ANK2: variants seen among roughly 807,000 people sequenced by gnomAD.
The protein encoded by ANK2 is ankyrin 2.
Under a neutral mutation model 360.5 loss-of-function variants are expected in ANK2, and 83 were observed. The ratio of observed to expected loss-of-function variants is 0.23; its 90% confidence interval spans 0.19 to 0.28. The LOEUF is 0.28. Ranked by LOEUF, ANK2 falls within the 10% of genes least tolerant of loss-of-function variation. The pLI, the probability that ANK2 is intolerant of heterozygous loss-of-function variation, is 1.00. For synonymous variants in ANK2, 1,740 were observed against 1,759.5 expected, an observed-to-expected ratio of 0.99 and a Z score of 0.28; for missense variants, 4,201 against 4,795.7, an observed-to-expected ratio of 0.88 and a Z score of 3.66.
chr4:113,176,381 A>G (rs1273224014), intron 2 of ANK2, among the ~76,000 whole-genome samples: 1 of 152,164 alleles, frequency 6.6e-6, no homozygotes, highest in Non-Finnish European at 1.5e-5. Context: ...AATAAACCCA[A>G]ATTACTGTAT....
intron 2 of ANK2, among the ~76,000 whole-genome samples, chr4:113,028,316 G>A (rs909266042): frequency 6.6e-6 from 1 of 152,038 alleles, no homozygotes. Flanking sequence ...CTGAACAGAG[G>A]GGAAAACAGG....
chr4:112,713,301 G>A, the ANK2 span, among the ~76,000 whole-genome samples: 2 of 152,060 alleles, frequency 1.3e-5, no homozygotes, highest in East Asian at 3.9e-4. Flanking sequence ...GGGCAGTGAT[G>A]AATGAAGTTG....
chr4:113,201,550 A>G (rs1201756116), intron 4 of ANK2, among the ~76,000 whole-genome samples: 2 of 152,208 alleles, frequency 1.3e-5, no homozygotes, highest in South Asian at 2.1e-4. Context: ...AGCCTGGTTA[A>G]ATTCAATTGT....
the ANK2 span, among the ~76,000 whole-genome samples, chr4:112,790,543 A>G: frequency 7.2e-6 from 1 of 138,564 alleles, no homozygotes; most frequent in Non-Finnish European, 1.5e-5. Flanking sequence ...GCTGGGGTGC[A>G]GTGGTGTGAT....
chr4:113,231,037 T>C (rs994311694), intron 4 of ANK2, among the ~76,000 whole-genome samples: 9 of 151,838 alleles, frequency 5.9e-5, no homozygotes, highest in African/African-American at 2.2e-4. Context: ...TATAGACTTT[T>C]ACATTTTCTT....
intron 2 of ANK2, among the ~76,000 whole-genome samples, chr4:112,921,386 T>G (rs866788637): frequency 1.3e-5 from 2 of 151,772 alleles, no homozygotes; most frequent in Middle Eastern, 3.4e-3. Context: ...TAAGTTTTTT[T>G]TTTTTTTTTT....
chr4:113,270,695 A>T (rs1381705448), intron 14 of ANK2, among the ~76,000 whole-genome samples: 1 of 152,084 alleles, frequency 6.6e-6, no homozygotes, highest in Non-Finnish European at 1.5e-5. Context: ...AGTGCTCCCT[A>T]AAGGTCAATA....
chr4:113,359,399 C>T, intron 38 of ANK2, 100 bp downstream of exon 38: 1 of 1,502,898 alleles, frequency 6.7e-7, no homozygotes, highest in Non-Finnish European at 9.0e-7. Flanking sequence ...GTCTCATTTT[C>T]TTTAAGCTTT....
intron 1 of ANK2, among the ~76,000 whole-genome samples, chr4:113,120,722 T>C (rs2095296173): frequency 6.6e-6 from 1 of 152,152 alleles, no homozygotes; most frequent in African/African-American, 2.4e-5. Flanking sequence ...TTAAGCCTGG[T>C]ACCAATTGGT....
At chr4:112,711,155 G>C in the ANK2 span, among the ~76,000 whole-genome samples, 1 of 150,490 alleles carries the variant, frequency 6.6e-6, no homozygotes, top group South Asian at 2.1e-4. Context: ...GGGGTCACCA[G>C]GCACAGTGGC....
At chr4:113,133,571 T>G (rs1012550977) in intron 1 of ANK2, among the ~76,000 whole-genome samples, 4 of 152,068 alleles carry the variant, frequency 2.6e-5, no homozygotes, top group Non-Finnish European at 5.9e-5. Flanking sequence ...AATGTCTGAT[T>G]TGTAGTATTT....
At chr4:112,746,932 A>T in the ANK2 span, among the ~76,000 whole-genome samples, 2 of 152,246 alleles carry the variant, frequency 1.3e-5, no homozygotes, top group African/African-American at 4.8e-5. Context: ...CTAAGGCTGT[A>T]TAACTGTGGT....
chr4:113,336,451 C>T, intron 30 of ANK2, 126 bp from the exon 31 acceptor site: 1 of 952,606 alleles, frequency 1.0e-6, no homozygotes, highest in South Asian at 1.8e-5. Flanking sequence ...ATATTTGAAG[C>T]CCACCAAACT....
chr4:112,974,161 A>G (rs2040557213), intron 2 of ANK2, among the ~76,000 whole-genome samples: 1 of 152,190 alleles, frequency 6.6e-6, no homozygotes, highest in Admixed American at 6.5e-5. Context: ...GCTGAGGGGA[A>G]ATGACACACC....
At chr4:113,280,587 C>A (rs1168613765) in intron 17 of ANK2, among the ~76,000 whole-genome samples, 2 of 152,158 alleles carry the variant, frequency 1.3e-5, no homozygotes, top group Non-Finnish European at 2.9e-5. Context: ...ATAATGTCTC[C>A]TCTCCTTAAT....
chr4:113,154,899 A>T (rs2097222240), intron 1 of ANK2, among the ~76,000 whole-genome samples: 1 of 152,228 alleles, frequency 6.6e-6, no homozygotes, highest in Non-Finnish European at 1.5e-5. Flanking sequence ...AGACACTGTC[A>T]ACTAATGGAC....
intron 24 of ANK2, among the ~76,000 whole-genome samples, chr4:113,312,539 A>T (rs889563455): frequency 4.6e-5 from 7 of 151,518 alleles, no homozygotes; most frequent in Non-Finnish European, 8.8e-5. Flanking sequence ...TAGGCTTGTT[A>T]ACTTCATAGT....
At chr4:113,246,011 G>T (rs553170027) in intron 9 of ANK2, among the ~76,000 whole-genome samples, 16 of 152,230 alleles carry the variant, frequency 1.1e-4, no homozygotes, top group African/African-American at 3.6e-4. Flanking sequence ...GGTCAGGCTG[G>T]TCTCAAACTC....
chr4:113,070,258 A>G (rs1016395748), intron 1 of ANK2: 1 of 152,062 alleles, frequency 6.6e-6, no homozygotes, highest in African/African-American at 2.4e-5. Context: ...CTTCTAGACA[A>G]AGTTGATCAG....
Sources: gnomAD v4.1 joint callset for allele counts (sites outside exome capture counted in the v4.1 genomes callset) on GRCh38, gnomAD v4.1.1 for gene constraint, MANE v1.5 for transcripts, NCBI Gene and HGNC (gene_info 2026-07-23, HGNC 2026-07-21) for gene names.